CAMTA1: variants seen among roughly 807,000 people sequenced by gnomAD.
CAMTA1 encodes calmodulin binding transcription activator 1.
In CAMTA1, 27 loss-of-function variants were observed where a neutral mutation model predicts 170.9. That is an observed-to-expected ratio of 0.16 (90% CI 0.12 to 0.22). CAMTA1 has a LOEUF of 0.22. Ranked by LOEUF, CAMTA1 falls within the 10% of genes least tolerant of loss-of-function variation. The probability of loss-of-function intolerance (pLI) is 1.00; values close to 1 mark genes in which losing one functional copy is unlikely to be tolerated. For synonymous variants in CAMTA1, 833 were observed against 891.5 expected (o/e 0.93, Z 1.17); for missense variants, 1,619 against 2,217.2 (o/e 0.73, Z 5.42).
chr1:7,399,812 T>C (rs1236234150), intron 5 of CAMTA1, among the ~76,000 whole-genome samples: 1 of 152,216 alleles, frequency 6.6e-6, no homozygotes, highest in East Asian at 1.9e-4. Context: ...TCTCTCCTGG[T>C]CTGCAAGGTT....
chr1:7,694,001 C>CA (rs1353955980), intron 11 of CAMTA1: 1 of 152,272 alleles, frequency 6.6e-6, no homozygotes, highest in Non-Finnish European at 1.5e-5. Context: ...CCCAGGCAAA[C>CA]AAACTCCAAT....
At chr1:7,105,664 C>T (rs1643504300) in intron 4 of CAMTA1, among the ~76,000 whole-genome samples, 1 of 152,138 alleles carries the variant, frequency 6.6e-6, no homozygotes, top group African/African-American at 2.4e-5. Context: ...ACTTTGGGGC[C>T]AGACACAATG....
At position 7,585,868 on chromosome 1, in the gene CAMTA1, C is replaced by A. The variant is rs1171874210; in HGVS notation, c.511-54532C>A. Among the ~76,000 whole-genome samples, 1 of 152,018 alleles carries A rather than the reference C, an allele frequency of 6.6e-6. No individual in the cohort carries two copies. Among genetic ancestry groups the A allele is most frequent in the Admixed American group, 6.5e-5 (1 of 15,276 alleles). On this transcript the variant is annotated intron_variant, in intron 6 of 22. Coordinates refer to ENST00000303635, the MANE Select transcript of CAMTA1 (RefSeq NM_015215.4). This position sits in a 1 kb window ranked among gnomAD's most constrained non-coding sequence, Gnocchi z 4.8. ...CCACCTCCCCTGCCTCCCACCTCCC[C>A]TCTCGATGCGGCTTTCATTATGTAA...
At chr1:7,225,482 T>C (rs1661537415) in intron 4 of CAMTA1, among the ~76,000 whole-genome samples, 1 of 152,200 alleles carries the variant, frequency 6.6e-6, no homozygotes, top group Non-Finnish European at 1.5e-5. Context: ...GCCCTGGGAA[T>C]TCTTCATTTA....
At chr1:7,614,132 G>T (rs1235910303) in intron 6 of CAMTA1, among the ~76,000 whole-genome samples, 1 of 152,016 alleles carries the variant, frequency 6.6e-6, no homozygotes, top group Non-Finnish European at 1.5e-5. Context: ...GAGGAGAGGA[G>T]ATTTTGGCAG....
chr1:7,136,766 G>C (rs1345949610), intron 4 of CAMTA1, among the ~76,000 whole-genome samples: 3 of 152,144 alleles, frequency 2.0e-5, no homozygotes, highest in Admixed American at 2.0e-4. Flanking sequence ...GACATGACTG[G>C]CTGCCTCTTC....
At chr1:7,614,169 C>T (rs1475962684) in intron 6 of CAMTA1, among the ~76,000 whole-genome samples, 1 of 151,140 alleles carries the variant, frequency 6.6e-6, no homozygotes, top group Admixed American at 6.6e-5. Flanking sequence ...AGCAAAGGCC[C>T]GAGGCCTGAA....
chr1:7,119,595 GA>G (rs1436687583), intron 4 of CAMTA1, among the ~76,000 whole-genome samples: 24 of 152,144 alleles, frequency 1.6e-4, no homozygotes, highest in African/African-American at 5.6e-4. Flanking sequence ...GTTACTCTGC[GA>G]TCTCTCTTCT....
Position 7,570,061 on chromosome 1 carries a change from T to C in CAMTA1, c.511-70339T>C, listed in dbSNP as rs1399448298. Among the ~76,000 whole-genome samples the C allele has an allele frequency of 6.6e-6, 1 of 152,238 alleles. No individual in the cohort carries two copies. The highest frequency in any genetic ancestry group is 2.4e-5 in the African/African-American group (1 of 41,468). Reference sequence around the variant, plus strand: ...TGTATCAATTTAAAATGGCTTTTGCTTTGATCATTAGGGGTCCTGGGAGGC... The same window carrying C: ...TGTATCAATTTAAAATGGCTTTTGCCTTGATCATTAGGGGTCCTGGGAGGC... On this transcript the variant is annotated intron_variant, in intron 6 of 22. Coordinates refer to ENST00000303635, the MANE Select transcript of CAMTA1 (RefSeq NM_015215.4). The surrounding 1 kb of genome is among the most constrained non-coding windows in gnomAD (Gnocchi z 4.3).
intron 5 of CAMTA1, among the ~76,000 whole-genome samples, chr1:7,355,037 C>CTCTACTAAA (rs1219577112): frequency 6.6e-6 from 1 of 151,962 alleles, no homozygotes; most frequent in African/African-American, 2.4e-5. Flanking sequence ...GAAAACCTGT[C>CTCTACTAAA]TCTACTAAAA....
intron 3 of CAMTA1, among the ~76,000 whole-genome samples, chr1:6,929,592 T>A (rs57367647): frequency 0.13 from 19,839 of 152,174 alleles, 1,444 homozygotes; most frequent in East Asian, 0.23. Context: ...CTTAATCTCC[T>A]GACCTCGTGA....
Position 7,633,974 on chromosome 1 carries a change from C to A in CAMTA1, c.511-6426C>A, listed in dbSNP as rs2095690382. Among the ~76,000 whole-genome samples the A allele has an allele frequency of 6.6e-6, 1 of 152,166 alleles. No individual in the cohort carries two copies. Among genetic ancestry groups the A allele is most frequent in the Non-Finnish European group, 1.5e-5 (1 of 68,044 alleles). ...CAGCCCAGGGAGAGAAGCGGCAGAT[C>A]TGGGGAATGGGGTGGCGGGAGCCAG... is the stretch of plus-strand genomic sequence containing the variant. On this transcript the variant is annotated intron_variant, in intron 6 of 22. Coordinates refer to ENST00000303635, the MANE Select transcript of CAMTA1 (RefSeq NM_015215.4). This position sits in a 1 kb window ranked among gnomAD's most constrained non-coding sequence, Gnocchi z 4.1.
intron 3 of CAMTA1, among the ~76,000 whole-genome samples, chr1:7,070,023 GGGGA>G (rs1292884186): frequency 1.3e-5 from 2 of 152,200 alleles, no homozygotes; most frequent in Non-Finnish European, 2.9e-5. Context: ...CTCCTCCGCT[GGGGA>G]TGTGCGGGGC....
At chr1:6,997,567 A>T (rs1281173194) in intron 3 of CAMTA1, among the ~76,000 whole-genome samples, 2 of 150,688 alleles carry the variant, frequency 1.3e-5, no homozygotes, top group Non-Finnish European at 2.9e-5. Flanking sequence ...CTTCATACAG[A>T]TTCCTCCATT....
At chr1:7,371,121 C>T (rs188369943) in intron 5 of CAMTA1, among the ~76,000 whole-genome samples, 4,170 of 152,070 alleles carry the variant, frequency 0.027, 134 homozygotes, top group African/African-American at 0.071. Flanking sequence ...CCGTGTTATC[C>T]AGGTTGGTCT....
At chr1:7,713,245 G>A (rs550315072) in intron 11 of CAMTA1, among the ~76,000 whole-genome samples, 5 of 152,280 alleles carry the variant, frequency 3.3e-5, no homozygotes, top group South Asian at 2.1e-4. Context: ...ATTCATCCAC[G>A]TAATTTTATT....
At chr1:7,391,227 C>G (rs1417100058) in intron 5 of CAMTA1, among the ~76,000 whole-genome samples, 1 of 152,028 alleles carries the variant, frequency 6.6e-6, no homozygotes, top group African/African-American at 2.4e-5. Flanking sequence ...CAACTCCTGA[C>G]CTCAGGTGAT....
intron 6 of CAMTA1, among the ~76,000 whole-genome samples, chr1:7,542,928 G>A (rs373615978): frequency 4.0e-5 from 6 of 150,872 alleles, no homozygotes; most frequent in African/African-American, 1.5e-4. Context: ...GCAGTGGCGC[G>A]ATCTCGGCTC....
chr1:7,604,043 G>A (rs2095467232), intron 6 of CAMTA1, among the ~76,000 whole-genome samples: 2 of 152,204 alleles, frequency 1.3e-5, no homozygotes, highest in Non-Finnish European at 2.9e-5. Flanking sequence ...AGTTTCTGCT[G>A]AGAGATCCAC....
Sources: gnomAD v4.1 joint callset for allele counts (sites outside exome capture counted in the v4.1 genomes callset) on GRCh38, gnomAD v4.1.1 for gene constraint, Gnocchi (gnomAD v3.1) non-coding constraint, MANE v1.5 for transcripts, NCBI Gene and HGNC (gene_info 2026-07-23, HGNC 2026-07-21) for gene names.